The following RABL3 variants were observed in gnomAD, a reference collection of about 807,000 sequenced individuals.
RABL3 encodes the protein rab-like protein 3.
RABL3 carries 31 observed loss-of-function variants against 31.8 expected under a neutral mutation model. That is an observed-to-expected ratio of 0.97 (90% confidence interval 0.73 to 1.31). The LOEUF (loss-of-function observed/expected upper bound fraction) is 1.31, where lower values mean the gene tolerates loss of function less well. RABL3 is among the 40% of genes most tolerant of loss of function. RABL3 has a pLI of 0.00. For synonymous variants in RABL3, 97 were observed against 99.9 expected (o/e 0.97, Z 0.18); for missense variants, 263 against 279.6 (o/e 0.94, Z 0.42).
At chr3:120,703,364 A>C (rs568475556) in intron 4 of RABL3, among the ~76,000 whole-genome samples, 1 of 152,332 alleles carries the variant, frequency 6.6e-6, no homozygotes, top group East Asian at 1.9e-4. Flanking sequence ...AATCTCAAGG[A>C]GTATTAGAAA....
intron 2 of RABL3, among the ~76,000 whole-genome samples, chr3:120,724,660 T>C (rs865805045): frequency 8.5e-5 from 13 of 152,256 alleles, no homozygotes; most frequent in Middle Eastern, 3.4e-3. Context: ...AACTACAACA[T>C]CTGATCTTTG....
chr3:120,730,966 A>G (rs902247200), intron 1 of RABL3, among the ~76,000 whole-genome samples, 179 bp from the exon 2 acceptor site: 3 of 152,238 alleles, frequency 2.0e-5, no homozygotes, highest in African/African-American at 7.2e-5. Flanking sequence ...CGGTTCTCTC[A>G]AATTTGCATC....
chr3:120,738,140 G>A (rs1318272230), intron 1 of RABL3, among the ~76,000 whole-genome samples: 1 of 152,242 alleles, frequency 6.6e-6, no homozygotes, highest in East Asian at 1.9e-4. Context: ...TCCTTGAGCT[G>A]CGGTGGGCTC....
intron 2 of RABL3, among the ~76,000 whole-genome samples, chr3:120,715,398 C>A (rs1708656826): frequency 6.6e-6 from 1 of 152,218 alleles, no homozygotes; most frequent in South Asian, 2.1e-4. Context: ...ATTAGCCAGG[C>A]ATGGTGGCAC....
chr3:120,738,473 AC>A (rs1442125800), intron 1 of RABL3: 1 of 151,764 alleles, frequency 6.6e-6, no homozygotes, highest in East Asian at 1.9e-4. Context: ...AGTGGGCTGC[AC>A]CCACTGTCCT....
intron 1 of RABL3, among the ~76,000 whole-genome samples, 188 bp downstream of exon 1, chr3:120,742,274 C>CGCG (rs1367166645): frequency 6.6e-6 from 1 of 151,996 alleles, no homozygotes; most frequent in Non-Finnish European, 1.5e-5. Flanking sequence ...CCCCCACCCG[C>CGCG]GCGACGACGC....
rs78575011 is a variant in RABL3, at chr3:120,740,838, C to T, written c.46+1624G>A. ...ACTTTCCTGGCCATCACAGCTGTGTCTTCTGCTTTACAACTAAACCATAAC... is the reference window on the plus strand; with the variant it reads ...ACTTTCCTGGCCATCACAGCTGTGTTTTCTGCTTTACAACTAAACCATAAC... On this transcript the variant is annotated intron_variant, in intron 1 of 7. Transcript: ENST00000273375. Among the ~76,000 whole-genome samples the T allele has an allele frequency of 5.6e-3, 856 of 152,304 alleles. 11 individuals are homozygous for T. Among genetic ancestry groups the T allele is most frequent in the African/African-American group, 0.02 (824 of 41,568 alleles).
chr3:120,719,499 C>A (rs968417281), intron 2 of RABL3, among the ~76,000 whole-genome samples: 6 of 152,230 alleles, frequency 3.9e-5, no homozygotes, highest in African/African-American at 1.4e-4. Flanking sequence ...TCACTCTCAC[C>A]CTAATACTGC....
chr3:120,690,934 A>C (rs1708373013), intron 6 of RABL3, among the ~76,000 whole-genome samples: 1 of 152,152 alleles, frequency 6.6e-6, no homozygotes, highest in African/African-American at 2.4e-5. Context: ...CCACATCCCT[A>C]TAGTAAGTGG....
chr3:120,718,396 C>G (rs1226231618), intron 2 of RABL3, among the ~76,000 whole-genome samples: 2 of 152,166 alleles, frequency 1.3e-5, no homozygotes, highest in Non-Finnish European at 2.9e-5. Flanking sequence ...CAGCTATACT[C>G]CCCTCCCTCC....
chr3:120,723,575 C>T (rs961285869), intron 2 of RABL3, among the ~76,000 whole-genome samples: 7 of 152,194 alleles, frequency 4.6e-5, no homozygotes, highest in African/African-American at 1.7e-4. Flanking sequence ...CCGAATCCAG[C>T]AGCACATCAA....
intron 1 of RABL3, among the ~76,000 whole-genome samples, chr3:120,739,330 T>C (rs952389293): frequency 1.3e-5 from 2 of 151,364 alleles, no homozygotes; most frequent in African/African-American, 4.9e-5. Context: ...TGAGCCGAGA[T>C]TGCGCCACTG....
intron 1 of RABL3, among the ~76,000 whole-genome samples, chr3:120,741,819 A>G (rs1012299373): frequency 6.6e-6 from 1 of 152,214 alleles, no homozygotes; most frequent in African/African-American, 2.4e-5. Flanking sequence ...TCAAACGAGA[A>G]CCAGGAAATT....
intron 7 of RABL3, 90 bp downstream of exon 7, chr3:120,690,359 C>T (rs1708366064): frequency 3.3e-6 from 3 of 917,200 alleles, no homozygotes; most frequent in East Asian, 2.5e-5. Context: ...AAGGGCTTTC[C>T]CCAACTTTTT....
chr3:120,704,571 G>A (rs955831705), intron 4 of RABL3, among the ~76,000 whole-genome samples: 1 of 152,178 alleles, frequency 6.6e-6, no homozygotes, highest in African/African-American at 2.4e-5. Context: ...TGCTGCCAGT[G>A]CGAAAAGGCA....
At position 120,707,446 on chromosome 3, in the gene RABL3, G is replaced by T. The variant is rs1287357954; in HGVS notation, c.269-1332C>A. 3.9e-5 allele frequency among the ~76,000 whole-genome samples: 6 copies of T among 152,120 alleles called. No homozygotes were observed. In the East Asian group the frequency reaches 1.2e-3, roughly 29 times the overall value. On this transcript the variant is annotated intron_variant, in intron 3 of 7. Coordinates refer to ENST00000273375, the MANE Select transcript of RABL3 (RefSeq NM_173825.5). ...ATGTACTAAATATTGTGCTTTACAT[G>T]TGTTATCTAATTTAATTTTCAGAAC...
chr3:120,722,110 C>A (rs563885737), intron 2 of RABL3: 1 of 152,130 alleles, frequency 6.6e-6, no homozygotes, highest in African/African-American at 2.4e-5. Context: ...ACTACCCCGA[C>A]GCATATACCA....
At chr3:120,692,975 A>G (rs1218925702) in intron 6 of RABL3, among the ~76,000 whole-genome samples, 2 of 152,156 alleles carry the variant, frequency 1.3e-5, no homozygotes, top group East Asian at 3.9e-4. Context: ...GTTTGAAAAC[A>G]ATGTGGGCAA....
chr3:120,695,126 G>T (rs1708424091), intron 5 of RABL3, among the ~76,000 whole-genome samples: 1 of 151,970 alleles, frequency 6.6e-6, no homozygotes, highest in Non-Finnish European at 1.5e-5. Context: ...TGTGCCCCTA[G>T]AAATTACTGA....
Sources: gnomAD v4.1 joint callset for allele counts (sites outside exome capture counted in the v4.1 genomes callset) on GRCh38, gnomAD v4.1.1 for gene constraint, MANE v1.5 for transcripts, NCBI Gene and HGNC (gene_info 2026-07-23, HGNC 2026-07-21) for gene names.